The following RANBP3 variants were observed in gnomAD, a reference collection of about 807,000 sequenced individuals.
The protein encoded by RANBP3 is RAN binding protein 3.
RANBP3 carries 14 observed loss-of-function variants against 77.3 expected under a neutral mutation model. The ratio of observed to expected loss-of-function variants is 0.18; its 90% CI spans 0.12 to 0.28. RANBP3 has a LOEUF of 0.28. Ranked by LOEUF, RANBP3 falls within the 10% of genes least tolerant of loss-of-function variation. RANBP3 has a pLI of 1.00. For missense variants in RANBP3, 586 were observed against 752.3 expected (o/e 0.78, Z 2.59); for synonymous variants, 315 against 312.4 (o/e 1.01, Z -0.09).
intron 3 of RANBP3, among the ~76,000 whole-genome samples, chr19:5,942,989 T>C (rs894586593): frequency 6.6e-5 from 10 of 152,268 alleles, no homozygotes; most frequent in Admixed American, 2.0e-4. Context: ...ACCATGCCAC[T>C]GCACCCCAGC....
chr19:5,917,695 C>A lies in RANBP3; in HGVS notation c.1661-42G>T, dbSNP rs1246546057. 1.9e-6 allele frequency: 3 copies of A among 1,596,038 alleles called. No individual in the cohort carries two copies. The African/African-American group carries it at 4.0e-5, about 21-fold the overall frequency. On this transcript the variant is annotated intron_variant, in intron 16 of 16. Transcript: ENST00000340578. ...GCCCCGCATCAGGATGGAGCCCGCA[C>A]TTCCCAGGTCTGGCCACCCCCGCCA...
intron 1 of RANBP3, among the ~76,000 whole-genome samples, chr19:5,960,455 A>G (rs2058386080): frequency 6.6e-6 from 1 of 152,170 alleles, no homozygotes; most frequent in Non-Finnish European, 1.5e-5. Context: ...GATCCACTCC[A>G]TATTGATGGG....
intron 1 of RANBP3, among the ~76,000 whole-genome samples, chr19:5,977,859 G>A (rs778121745): frequency 1.1e-4 from 16 of 152,364 alleles, no homozygotes; most frequent in Non-Finnish European, 1.6e-4. Context: ...AGTGGCTGGG[G>A]TTGCCGGGAG....
intron 2 of RANBP3, among the ~76,000 whole-genome samples, chr19:5,954,551 A>AGT (rs1254259375): frequency 6.6e-6 from 1 of 152,174 alleles, no homozygotes. Flanking sequence ...GGGCAGGGGC[A>AGT]GGATACCCAA....
chr19:5,933,537 G>C (rs1333030295), intron 5 of RANBP3, 58 bp from the exon 6 acceptor site: 27 of 1,467,346 alleles, frequency 1.8e-5, no homozygotes, highest in Non-Finnish European at 2.6e-5. Context: ...GCTGGGCCTG[G>C]GGGGCAAGGG....
intron 1 of RANBP3, among the ~76,000 whole-genome samples, chr19:5,973,942 C>T (rs73923410): frequency 0.018 from 2,808 of 152,242 alleles, 84 homozygotes; most frequent in African/African-American, 0.065. Flanking sequence ...GGAGTTAAAA[C>T]ACAAACCCAG....
At chr19:5,956,739 G>A (rs1035116146) in intron 2 of RANBP3, among the ~76,000 whole-genome samples, 4 of 152,160 alleles carry the variant, frequency 2.6e-5, no homozygotes, top group East Asian at 1.9e-4. Flanking sequence ...GCCACATCAA[G>A]ATAAATGCTG....
chr19:5,937,422 C>A (rs536180694), intron 5 of RANBP3, among the ~76,000 whole-genome samples: 1 of 152,300 alleles, frequency 6.6e-6, no homozygotes, highest in South Asian at 2.1e-4. Context: ...TACCCAACAG[C>A]TGACCTGTAA....
rs75586408 is a variant in RANBP3, at chr19:5,947,740, C to T, written c.282+3653G>A. 2.9e-4 allele frequency among the ~76,000 whole-genome samples: 44 copies of T among 152,292 alleles called. No homozygotes were observed. In the East Asian group the frequency reaches 8.1e-3, roughly 28 times the overall value. On this transcript the variant is annotated intron_variant, in intron 3 of 16. Coordinates refer to ENST00000340578, the MANE Select transcript of RANBP3 (RefSeq NM_007322.3). ...GAGTGCTGATCATGTGCCCCACGTC[C>T]CTGCCGGCGGGGTGGGGGCTGGTGG...
rs200049974 is a variant in RANBP3 at position 5,930,728 on chromosome 19, C to T, written c.693+676G>A. Among the ~76,000 whole-genome samples, 3 of 152,272 alleles carry T rather than the reference C, an allele frequency of 2.0e-5. No individual in the cohort carries two copies. In the East Asian group the frequency reaches 5.8e-4, roughly 29 times the overall value. ...GGACTACAGGTACATGCTACCATGCCTGGCTAATCTGTGTATTTTTTGTAG... is the reference window on the plus strand; with the variant it reads ...GGACTACAGGTACATGCTACCATGCTTGGCTAATCTGTGTATTTTTTGTAG... On this transcript the variant is annotated intron_variant, in intron 8 of 16. Coordinates refer to ENST00000340578, the MANE Select transcript of RANBP3 (RefSeq NM_007322.3).
intron 7 of RANBP3, among the ~76,000 whole-genome samples, 171 bp from the exon 8 acceptor site, chr19:5,931,702 A>G (rs372892863): frequency 3.9e-5 from 6 of 152,230 alleles, no homozygotes; most frequent in East Asian, 1.9e-4. Context: ...AAGAGCCAAA[A>G]TTCTTGGATT....
intron 15 of RANBP3, 109 bp downstream of exon 15, chr19:5,918,387 A>AGGGGGGGGGGGGGGGGGGGGGGGG: frequency 3.8e-6 from 2 of 529,916 alleles, no homozygotes; most frequent in Non-Finnish European, 6.1e-6. Flanking sequence ...AAGCAACTGA[A>AGGGGGGGGGGGGGGGGGGGGGGGG]GCCCCTCCCC....
rs560054817 is a variant in RANBP3, at chr19:5,917,634, G to A, written c.1680C>T (p.Asp560=). 110 of 1,606,000 alleles carry A rather than the reference G, an allele frequency of 6.8e-5. 2 individuals carry two copies. The Middle Eastern group carries it at 1.0e-3, about 15-fold the overall frequency. Residue 560 remains aspartate (D), a synonymous_variant, in exon 17 of 17, where the codon GAC becomes GAT. Coordinates refer to ENST00000340578, the MANE Select transcript of RANBP3 (RefSeq NM_007322.3). ...GCTATGTGCTCCCGGTCGTCTGCCC[G>A]TCCCCTTCGTCACCAGCACCTGCAG... ...ATAAGAGDEG[D]GQTTGST
At chr19:5,918,083 C>T in intron 15 of RANBP3, 103 bp from the exon 16 acceptor site, 5 of 1,303,256 alleles carry the variant, frequency 3.8e-6, no homozygotes, top group Non-Finnish European at 5.2e-6. Context: ...GGTGACACTG[C>T]CACAAGGCCT....
In RANBP3 at chr19:5,924,817, A is replaced by G; in HGVS notation, c.996+10T>C. 2 of 1,612,536 alleles carry G rather than the reference A, an allele frequency of 1.2e-6. No individual in the cohort carries two copies. ...TGGTCCCTGAGAACATTCCCAACAC[A>G]GCCACTCACCAAAACTCGCTCGCTC... is the stretch of plus-strand genomic sequence containing the variant. On this transcript the variant is annotated intron_variant, in intron 11 of 16. Transcript: ENST00000340578. The surrounding 1 kb of genome is among the most constrained non-coding windows in gnomAD (Gnocchi z 4.7).
intron 1 of RANBP3, chr19:5,962,842 G>T (rs1034550190): frequency 1.1e-5 from 5 of 435,536 alleles, no homozygotes; most frequent in Admixed American, 9.6e-5. Context: ...CCGCCCCACT[G>T]CCCCCGACCA....
intron 1 of RANBP3, among the ~76,000 whole-genome samples, chr19:5,977,585 C>G (rs2058610001): frequency 6.6e-6 from 1 of 150,630 alleles, no homozygotes; most frequent in Non-Finnish European, 1.5e-5. Flanking sequence ...GCGGCTGGCC[C>G]GCGGAGGACG....
chr19:5,930,261 G>A (rs1306669315), intron 8 of RANBP3, among the ~76,000 whole-genome samples: 2 of 152,224 alleles, frequency 1.3e-5, no homozygotes, highest in African/African-American at 4.8e-5. Flanking sequence ...CAGCAAACTC[G>A]TTTGAAAAAG....
At chr19:5,964,572 C>A (rs1009756852) in intron 1 of RANBP3, among the ~76,000 whole-genome samples, 2 of 152,028 alleles carry the variant, frequency 1.3e-5, no homozygotes, top group Admixed American at 1.3e-4. Flanking sequence ...GCACAGCAGG[C>A]CCTGGGAACA....
Sources: allele counts gnomAD v4.1 joint callset (sites outside exome capture counted in the v4.1 genomes callset), GRCh38; gene constraint gnomAD v4.1.1; non-coding constraint Gnocchi (gnomAD v3.1); transcripts MANE v1.5; gene names NCBI Gene and HGNC (gene_info 2026-07-23, HGNC 2026-07-21).